The following IL1RN variants were observed in gnomAD, a reference collection of about 807,000 sequenced individuals.
IL1RN encodes the protein interleukin-1 receptor antagonist protein.
IL1RN carries 10 observed loss-of-function variants against 13.7 expected under a neutral mutation model. That is an observed-to-expected ratio of 0.73 (90% CI 0.45 to 1.24). The LOEUF (loss-of-function observed/expected upper bound fraction) is 1.24, where lower values mean the gene tolerates loss of function less well. Ranked by LOEUF, IL1RN falls within the 50% of genes most tolerant of loss-of-function variation. The probability of loss-of-function intolerance (pLI) is 0.00; values close to 1 mark genes in which losing one functional copy is unlikely to be tolerated. For synonymous variants in IL1RN, 102 were observed against 82.7 expected (o/e 1.23, Z -1.27); for missense variants, 213 against 222.1 (o/e 0.96, Z 0.26).
At chr2:113,102,681 G>C (rs1686332122), upstream of IL1RN, among the ~76,000 whole-genome samples, 1 of 152,188 alleles carries the variant, frequency 6.6e-6, no homozygotes, top group East Asian at 1.9e-4. Context: ...GTAGGTAGTG[G>C]AAAATTACAG....
chr2:113,123,783 G>T (rs1686861089), upstream of IL1RN, among the ~76,000 whole-genome samples: 1 of 152,196 alleles, frequency 6.6e-6, no homozygotes, highest in Non-Finnish European at 1.5e-5. Flanking sequence ...GCCTTCGAAA[G>T]AACTGTGGAG....
chr2:113,119,315 C>T (rs1686688881), intron 1 of IL1RN, among the ~76,000 whole-genome samples: 1 of 152,168 alleles, frequency 6.6e-6, no homozygotes, highest in Non-Finnish European at 1.5e-5. Flanking sequence ...GCTATTATTG[C>T]TCACATTTTC....
At chr2:113,103,159 C>T (rs1370205415), upstream of IL1RN, among the ~76,000 whole-genome samples, 1 of 152,182 alleles carries the variant, frequency 6.6e-6, no homozygotes, top group Non-Finnish European at 1.5e-5. Flanking sequence ...TCACTCCATC[C>T]TGTGAGGGGA....
chr2:113,119,264 G>C (rs1010772795), intron 1 of IL1RN, among the ~76,000 whole-genome samples: 10 of 152,152 alleles, frequency 6.6e-5, no homozygotes, highest in Admixed American at 6.5e-4. Context: ...ACTTTACATG[G>C]TTTATCCCAC....
chr2:113,131,492 C>A (rs1233481707), intron 3 of IL1RN, among the ~76,000 whole-genome samples: 4 of 152,234 alleles, frequency 2.6e-5, no homozygotes, highest in African/African-American at 9.6e-5. Flanking sequence ...ATGACTTCTG[C>A]TTGCATCATC....
chr2:113,129,827 GCA>G, intron 2 of IL1RN, 163 bp downstream of exon 2: 1 of 645,912 alleles, frequency 1.5e-6, no homozygotes, highest in Non-Finnish European at 2.9e-6. Context: ...CTACTGAAGG[GCA>G]CATATGAGGG....
intron 1 of IL1RN, among the ~76,000 whole-genome samples, chr2:113,112,502 G>A (rs1480803379): frequency 6.6e-6 from 1 of 152,174 alleles, no homozygotes; most frequent in Non-Finnish European, 1.5e-5. Context: ...AGGGATGTGA[G>A]TGTGGAGGCC....
At position 113,133,105 on chromosome 2, in the gene IL1RN, C is replaced by G. The variant is rs993739714; in HGVS notation, c.*234C>G. The G allele has an allele frequency of 1.7e-6, 1 of 592,044 alleles. No homozygotes were observed. The highest frequency in any genetic ancestry group is 1.9e-5 in the African/African-American group (1 of 53,948). The allele number at this position is 592,044 out of a possible 1,614,324, so 36.7% of individuals were successfully genotyped here. On this transcript the variant is annotated 3_prime_UTR_variant, in exon 4 of 4. Transcript: ENST00000409930. The stretch of plus-strand genomic sequence containing the variant: ...AATGTGTGAATCAGAGCACAGCAGC[C>G]CCTGCACAAAGCCCTTCCATGTCGC...
chr2:113,119,566 G>T (rs566116256), intron 1 of IL1RN, among the ~76,000 whole-genome samples: 1 of 152,192 alleles, frequency 6.6e-6, no homozygotes, highest in Non-Finnish European at 1.5e-5. Context: ...CTGGTGGGTT[G>T]TGCTACAATG....
intron 2 of IL1RN, among the ~76,000 whole-genome samples, chr2:113,130,514 A>G (rs1687133136): frequency 6.6e-6 from 1 of 152,176 alleles, no homozygotes; most frequent in Non-Finnish European, 1.5e-5. Context: ...ACTCCTATTG[A>G]CCTGGAGCAC....
intron 3 of IL1RN, 68 bp downstream of exon 3, chr2:113,131,225 T>C (rs1420616059): frequency 1.1e-6 from 1 of 947,834 alleles, no homozygotes; most frequent in East Asian, 2.4e-5. Flanking sequence ...AAATTTTTTC[T>C]TATGATTCTG....
At chr2:113,109,688 G>C (rs2104422466), upstream of IL1RN, among the ~76,000 whole-genome samples, 1 of 151,990 alleles carries the variant, frequency 6.6e-6, no homozygotes, top group Middle Eastern at 3.4e-3. Context: ...CTAACAGGAA[G>C]GGGGAAAGGC....
the IL1RN span, among the ~76,000 whole-genome samples, chr2:113,099,707 C>T: frequency 6.9e-6 from 1 of 145,132 alleles, no homozygotes; most frequent in East Asian, 2.0e-4. Flanking sequence ...CATTTTTCCT[C>T]AGCATCCTCT....
chr2:113,116,473 C>A (rs1030231616), upstream of IL1RN, among the ~76,000 whole-genome samples: 5 of 151,344 alleles, frequency 3.3e-5, no homozygotes, highest in Admixed American at 6.6e-5. Context: ...GAAGTCCCTG[C>A]GGTCGGGAGC....
rs1368461190 is a variant in IL1RN, at chr2:113,131,089, G to C, written c.250G>C (p.Gly84Arg). Residue 84 changes from glycine (G) to arginine (R), a missense_variant, in exon 3 of 4, where the codon GGA becomes CGA. Coordinates refer to ENST00000409930, the MANE Select transcript of IL1RN (RefSeq NM_173842.3). ...CATTGAGCCTCATGCTCTGTTCTTG[G>C]GAATCCATGGAGGGAAGATGTGCCT... Reference protein sequence around the residue: ...VPIEPHALFLGIHGGKMCLSC... With the variant: ...VPIEPHALFLRIHGGKMCLSC... The C allele has an allele frequency of 1.9e-6, 3 of 1,613,824 alleles. No individual in the cohort carries two copies. Among genetic ancestry groups the C allele is most frequent in the Non-Finnish European group, 1.7e-6 (2 of 1,179,678 alleles).
chr2:113,100,474 C>T, the IL1RN span, among the ~76,000 whole-genome samples: 1 of 152,154 alleles, frequency 6.6e-6, no homozygotes, highest in African/African-American at 2.4e-5. Context: ...TCAGGCCAAG[C>T]ACTGGTCCCT....
At chr2:113,130,492 C>G (rs1687131973) in intron 2 of IL1RN, among the ~76,000 whole-genome samples, 1 of 152,230 alleles carries the variant, frequency 6.6e-6, no homozygotes, top group Admixed American at 6.5e-5. Flanking sequence ...ATTTTCCCTG[C>G]CCCTCAGCAA....
chr2:113,112,097 G>A (rs1280095640), intron 1 of IL1RN, among the ~76,000 whole-genome samples: 2 of 152,206 alleles, frequency 1.3e-5, no homozygotes, highest in Non-Finnish European at 2.9e-5. Context: ...AGCACAGAGA[G>A]GTTTGTAGGC....
At chr2:113,120,506 T>C (rs1366831921) in intron 2 of IL1RN, among the ~76,000 whole-genome samples, 1 of 152,190 alleles carries the variant, frequency 6.6e-6, no homozygotes, top group African/African-American at 2.4e-5. Flanking sequence ...CCAGTGCCCT[T>C]TAAGGGTTCA....
Sources: gnomAD v4.1 joint callset for allele counts (sites outside exome capture counted in the v4.1 genomes callset) on GRCh38, gnomAD v4.1.1 for gene constraint, MANE v1.5 for transcripts, NCBI Gene and HGNC (gene_info 2026-07-23, HGNC 2026-07-21) for gene names.